Variants in ATP1A4 observed in about 807,000 individuals in gnomAD.
ATP1A4 encodes the protein sodium/potassium-transporting ATPase subunit alpha-4.
A neutral mutation model predicts 114.3 loss-of-function variants in ATP1A4; 90 were observed. The ratio of observed to expected loss-of-function variants is 0.79; its 90% CI spans 0.66 to 0.94. The LOEUF (loss-of-function observed/expected upper bound fraction) is 0.94, where lower values mean the gene tolerates loss of function less well. ATP1A4 is among the 40% of genes least tolerant of loss of function. The pLI, the probability that ATP1A4 is intolerant of heterozygous loss-of-function variation, is 0.00. For synonymous variants in ATP1A4, 511 were observed against 494.1 expected, an observed-to-expected ratio of 1.03 and a Z score of -0.45; for missense variants, 1,222 against 1,313.6, an observed-to-expected ratio of 0.93 and a Z score of 1.08.
At chr1:160,152,227 A>G (rs1652483040) in intron 1 of ATP1A4, 40 bp downstream of exon 1, 1 of 1,601,284 alleles carries the variant, frequency 6.2e-7, no homozygotes, top group African/African-American at 1.3e-5. Context: ...CTGCCCTCTG[A>G]AAACACTCCT....
At position 160,181,939 on chromosome 1, in the gene ATP1A4, C is replaced by T; in HGVS notation, c.2877C>T (p.Val959=). ...GAATGTTTCTTCCCAGAAACAAAGT[C>T]TTAATATTTGGGATCCTGGAGGAGA... ...SLFQQGMRNK[V]LIFGILEETL... The change falls in exon 20 of 22, where the codon GTC becomes GTT. Residue 959 remains valine (V), a synonymous_variant. Transcript: ENST00000368081. 6.2e-7 allele frequency: 1 copy of T among 1,614,068 alleles called. No individual in the cohort carries two copies.
chr1:160,181,296 T>C (rs529741725), intron 18 of ATP1A4, among the ~76,000 whole-genome samples: 88 of 152,234 alleles, frequency 5.8e-4, no homozygotes, highest in Admixed American at 9.8e-4. Flanking sequence ...GTCACGCCTG[T>C]ATTCCCAGCA....
Position 160,167,301 on chromosome 1 carries a change from C to T in ATP1A4, c.1380C>T (p.Ser460=), listed in dbSNP as rs766427603. ...IAKRATTGDA[S]ESALLKFIEQ... The stretch of plus-strand genomic sequence containing the variant: ...AGAGGGCCACAACAGGTGATGCTTC[C>T]GAGTCAGCCCTCCTCAAGTTCATCG... Residue 460 remains serine, a synonymous_variant, in exon 10 of 22, where the codon TCC becomes TCT. Transcript: ENST00000368081. The T allele has an allele frequency of 1.2e-5, 19 of 1,607,848 alleles. No individual in the cohort carries two copies. Among genetic ancestry groups the T allele is most frequent in the African/African-American group, 4.0e-5 (3 of 74,420 alleles).
chr1:160,186,526 G>A, intron 21 of ATP1A4, 145 bp from the exon 22 acceptor site: 3 of 1,070,722 alleles, frequency 2.8e-6, no homozygotes, highest in Non-Finnish European at 2.8e-6. Flanking sequence ...CCCCTTGGCT[G>A]CACCCCTCTG....
In ATP1A4 at chr1:160,159,030, A is replaced by C. The variant is rs1652773777; in HGVS notation, c.554A>C (p.Lys185Thr). ...GCTCTGGTAATTCGAGGAGGAGAGA[A>C]GATGCAAATTAATGTACAAGAGGTG... ...QQALVIRGGEKMQINVQEVVL... is the reference protein window; with the variant it reads ...QQALVIRGGETMQINVQEVVL... Residue 185 changes from lysine (K) to threonine (T), a missense_variant, in exon 5 of 22, where the codon AAG becomes ACG. Physicochemically the swap from Lys to Thr is moderately conservative, Grantham distance 78 (BLOSUM62 -1). Coordinates refer to ENST00000368081, the MANE Select transcript of ATP1A4 (RefSeq NM_144699.4). The C allele has an allele frequency of 4.3e-6, 7 of 1,614,052 alleles. No homozygotes were observed. Among genetic ancestry groups the C allele is most frequent in the Middle Eastern group, 1.7e-4 (1 of 6,060 alleles).
chr1:160,185,239 A>T (rs1653839360), intron 20 of ATP1A4, among the ~76,000 whole-genome samples: 1 of 151,754 alleles, frequency 6.6e-6, no homozygotes, highest in African/African-American at 2.4e-5. Flanking sequence ...CAGCCTCCTG[A>T]GTAGCTGGGA....
Position 160,176,106 on chromosome 1 carries a change from G to A in ATP1A4, c.2326G>A (p.Asp776Asn). Residue 776 changes from aspartate (D) to asparagine (N), a missense_variant, in exon 16 of 22, where the codon GAC becomes AAC. Transcript: ENST00000368081. ...TTCCTCCCCAGGCCGCCTGATCTTT[G>A]ACAACCTGAAGAAATCCATCATGTA... ...TGVEEGRLIF[D>N]NLKKSIMYTL... 1.2e-6 allele frequency: 2 copies of A among 1,614,036 alleles called. No homozygotes were observed. Among genetic ancestry groups the A allele is most frequent in the Non-Finnish European group, 1.7e-6 (2 of 1,179,998 alleles).
chr1:160,168,377 C>CTTTTTTTTTTTTTTTTTTTTTTTTTTTTT (rs11397218), intron 10 of ATP1A4, among the ~76,000 whole-genome samples: 1 of 97,038 alleles, frequency 1.0e-5, no homozygotes. Flanking sequence ...CTGCTGGTAT[C>CTTTTTTTTTTTTTTTTTTTTTTTTTTTTT]TTTTTTTTTT....
At chr1:160,163,911 G>T (rs1018878928) in intron 6 of ATP1A4, among the ~76,000 whole-genome samples, 1 of 151,790 alleles carries the variant, frequency 6.6e-6, no homozygotes, top group Non-Finnish European at 1.5e-5. Flanking sequence ...CTATCACCCA[G>T]GAAACTCCAA....
rs781500533 is a variant in ATP1A4 at position 160,174,157 on chromosome 1, C to T, written c.2038C>T (p.Gln680Ter). 2 of 1,614,170 alleles carry T rather than the reference C, an allele frequency of 1.2e-6. No homozygotes were observed. The highest frequency in any genetic ancestry group is 1.7e-6 in the Non-Finnish European group (2 of 1,180,022). The change falls in exon 14 of 22, where the codon CAG becomes TAG. Residue 680 changes from glutamine (Q) to a stop codon, truncating the protein, a stop_gained. Transcript: ENST00000368081. LOFTEE classifies it high-confidence loss of function. ...VVHGAELKDI[Q>*]SKQLDQILQN... is the part of the protein sequence containing the mutation. ...GCATGGTGCAGAACTGAAGGACATA[C>T]AGTCCAAGCAGCTTGATCAGATCCT...
chr1:160,170,289 T>C (rs1050660538), intron 10 of ATP1A4: 5 of 152,200 alleles, frequency 3.3e-5, no homozygotes, highest in African/African-American at 1.2e-4. Flanking sequence ...CAGCCCGGCA[T>C]AGTGGCGGTG....
At chr1:160,173,040 T>C (rs928865207) in intron 12 of ATP1A4, among the ~76,000 whole-genome samples, 22 of 152,290 alleles carry the variant, frequency 1.4e-4, no homozygotes, top group African/African-American at 4.6e-4. Flanking sequence ...AGGAACGGAA[T>C]GCTGTGAAAG....
intron 7 of ATP1A4, among the ~76,000 whole-genome samples, chr1:160,165,743 G>A (rs970765592): frequency 3.3e-5 from 5 of 151,700 alleles, no homozygotes; most frequent in South Asian, 2.1e-4. Context: ...ACTCCGTCTC[G>A]AGAAAAAAAA....
chr1:160,185,523 T>C (rs1321592814), intron 20 of ATP1A4, among the ~76,000 whole-genome samples: 1 of 152,142 alleles, frequency 6.6e-6, no homozygotes, highest in Admixed American at 6.5e-5. Context: ...CGATGGCTCA[T>C]GCCTATAATC....
At chr1:160,160,827 G>T (rs1000174511) in intron 6 of ATP1A4, among the ~76,000 whole-genome samples, 1 of 152,006 alleles carries the variant, frequency 6.6e-6, no homozygotes, top group Non-Finnish European at 1.5e-5. Flanking sequence ...CTATGAGAAA[G>T]AATCCAACTA....
In ATP1A4 at chr1:160,173,588, T is replaced by C; in HGVS notation, c.1862T>C (p.Met621Thr). The C allele has an allele frequency of 6.2e-7, 1 of 1,613,846 alleles. No homozygotes were observed. The highest frequency in any genetic ancestry group is 8.5e-7 in the Non-Finnish European group (1 of 1,179,730). ...KCRSAGIKVI[M>T]VTGDHPITAK... Reference sequence around the variant, plus strand: ...CTCTCCTTCCCAACCCAGGTGATCATGGTAACAGGAGATCATCCCATTACA... The same window carrying C: ...CTCTCCTTCCCAACCCAGGTGATCACGGTAACAGGAGATCATCCCATTACA... Residue 621 changes from methionine to threonine, a missense_variant, in exon 13 of 22, where the codon ATG becomes ACG. Transcript: ENST00000368081.
chr1:160,186,086 CAAAAAAAAA>C (rs527303426), intron 20 of ATP1A4, among the ~76,000 whole-genome samples, 181 bp from the exon 21 acceptor site: 3 of 32,790 alleles, frequency 9.1e-5, no homozygotes, highest in African/African-American at 1.3e-4. Flanking sequence ...GACTCTGTCG[CAAAAAAAAA>C]AAAAAAAAAA....
rs1652636864 is a variant in ATP1A4 at position 160,155,934 on chromosome 1, T to C, written c.412-111T>C. 25 of 687,456 alleles carry C rather than the reference T, an allele frequency of 3.6e-5. No individual in the cohort carries two copies. In the East Asian group the frequency reaches 6.3e-4, roughly 17 times the overall value. 42.6% of individuals were successfully genotyped at this position (687,456 alleles called of 1,614,324 possible). A position where few individuals can be genotyped will look rare whatever the true frequency, so the allele number is the denominator to read the frequency against. On this transcript the variant is annotated intron_variant, in intron 3 of 21. Coordinates refer to ENST00000368081, the MANE Select transcript of ATP1A4 (RefSeq NM_144699.4). ...CTACCCCTCTGCTCTCAACTCAGTC[T>C]TACGGTCTCTTACACCTGGTGAAAC...
At chr1:160,171,863 G>GAAGGCCTTGCGCAGAGTA in intron 12 of ATP1A4, 106 bp downstream of exon 12, 2 of 1,149,376 alleles carry the variant, frequency 1.7e-6, no homozygotes, top group Non-Finnish European at 2.4e-6. Flanking sequence ...TTAATTGAGC[G>GAAGGCCTTGCGCAGAGTA]GATTTCTGTT....
Sources: gnomAD v4.1 joint callset for allele counts (sites outside exome capture counted in the v4.1 genomes callset) on GRCh38, gnomAD v4.1.1 for gene constraint, MANE v1.5 for transcripts, NCBI Gene and HGNC (gene_info 2026-07-23, HGNC 2026-07-21) for gene names.